PTPRJ: variants seen among roughly 807,000 people sequenced by gnomAD.
PTPRJ encodes the protein protein tyrosine phosphatase receptor type J.
A neutral mutation model predicts 141.3 loss-of-function variants in PTPRJ; 129 were observed. The observed-to-expected ratio is 0.91, with a 90% CI of 0.79 to 1.06. The LOEUF is 1.06. PTPRJ is among the 50% of genes least tolerant of loss of function. The pLI, the probability that PTPRJ is intolerant of heterozygous loss-of-function variation, is 0.00. For missense variants in PTPRJ, 1,601 were observed against 1,679.7 expected (o/e 0.95, Z 0.82); for synonymous variants, 610 against 640.5 (o/e 0.95, Z 0.72).
chr11:48,109,480 C>A (rs752420842), intron 1 of PTPRJ, among the ~76,000 whole-genome samples: 1 of 152,150 alleles, frequency 6.6e-6, no homozygotes, highest in Non-Finnish European at 1.5e-5. Context: ...ATTAATTCTT[C>A]CCAAAGCTGC....
chr11:48,158,122 A>G lies in PTPRJ; in HGVS notation c.3439-1808A>G, dbSNP rs1297757886. Among the ~76,000 whole-genome samples, 3 of 152,250 alleles carry G rather than the reference A, an allele frequency of 2.0e-5. No individual in the cohort carries two copies. The highest frequency in any genetic ancestry group is 2.9e-5 in the Non-Finnish European group (2 of 68,038). ...AGCCAAGATTGCACCACTGCACTCC[A>G]GCCTAGGCAACAGAGCAAGACTCTG... On this transcript the variant is annotated intron_variant, in intron 21 of 24. Coordinates refer to ENST00000418331, the MANE Select transcript of PTPRJ (RefSeq NM_002843.4). This position sits in a 1 kb window ranked among gnomAD's most constrained non-coding sequence, Gnocchi z 4.4.
In PTPRJ at chr11:48,023,864, G is replaced by A. The variant is rs2134215404; in HGVS notation, c.96+42856G>A. 1.3e-5 allele frequency among the ~76,000 whole-genome samples: 2 copies of A among 151,970 alleles called. 1 individual carries two copies. The highest frequency in any genetic ancestry group is 4.1e-4 in the South Asian group (2 of 4,820). ...ATCTCTTATCATTTCTTCAATTCCAGTTTTTATTAGATCCACAACTTTTTT... is the reference window on the plus strand; with the variant it reads ...ATCTCTTATCATTTCTTCAATTCCAATTTTTATTAGATCCACAACTTTTTT... On this transcript the variant is annotated intron_variant, in intron 1 of 24. Transcript: ENST00000418331.
chr11:48,080,342 C>G (rs142522163), intron 1 of PTPRJ, among the ~76,000 whole-genome samples: 1 of 152,330 alleles, frequency 6.6e-6, no homozygotes. Flanking sequence ...TTAATCTTCA[C>G]TACAACTATG....
Position 48,128,010 on chromosome 11 carries a change from G to C in PTPRJ, c.1324G>C (p.Glu442Gln), listed in dbSNP as rs772635514. 6.2e-7 allele frequency: 1 copy of C among 1,613,520 alleles called. No homozygotes were observed. The highest frequency in any genetic ancestry group is 8.5e-7 in the Non-Finnish European group (1 of 1,179,632). ...ITVCPVLGDI[E>Q]GTPGFLQVHT... is the part of the protein sequence containing the mutation. ...AGTGTGTCCTGTCCTAGGTGACATC[G>C]AGGGCACGCCGGGCTTCCTCCAAGT... The change falls in exon 7 of 25, where the codon GAG becomes CAG. Residue 442 changes from glutamate (E) to glutamine (Q), a missense_variant. Physicochemically the swap from Glu to Gln is conservative, Grantham distance 29. Transcript: ENST00000418331.
At chr11:47,986,704 C>T (rs1316124757) in intron 1 of PTPRJ, among the ~76,000 whole-genome samples, 7 of 152,052 alleles carry the variant, frequency 4.6e-5, no homozygotes, top group South Asian at 2.1e-4. Flanking sequence ...TTAGTTGAGA[C>T]GGGGTTTCAC....
chr11:48,084,913 C>T (rs961655595), intron 1 of PTPRJ, among the ~76,000 whole-genome samples: 4 of 152,102 alleles, frequency 2.6e-5, no homozygotes, highest in African/African-American at 4.8e-5. Flanking sequence ...AAAAGAACAA[C>T]AGCAAAAAAC....
chr11:48,145,209 C>G, intron 14 of PTPRJ, 85 bp downstream of exon 14: 1 of 1,567,844 alleles, frequency 6.4e-7, no homozygotes, highest in East Asian at 2.3e-5. Flanking sequence ...TACATGCCTC[C>G]CTCAGACCTT....
At chr11:48,163,396 G>C in intron 22 of PTPRJ, 62 bp from the exon 23 acceptor site, 1 of 1,517,992 alleles carries the variant, frequency 6.6e-7, no homozygotes, top group Non-Finnish European at 9.1e-7. Context: ...GATTTCCCCT[G>C]CCTTTTTGAT....
chr11:48,146,090 T>C (rs535981244), intron 14 of PTPRJ, among the ~76,000 whole-genome samples: 1 of 152,170 alleles, frequency 6.6e-6, no homozygotes, highest in Non-Finnish European at 1.5e-5. Context: ...TCCTTCCACC[T>C]TCTTCCAAAG....
chr11:48,088,546 G>T (rs1204467389), intron 1 of PTPRJ, among the ~76,000 whole-genome samples: 1 of 152,156 alleles, frequency 6.6e-6, no homozygotes, highest in South Asian at 2.1e-4. Flanking sequence ...CCACAGGATT[G>T]TCCTTGAGAC....
At chr11:48,150,331 A>G (rs779457649) in intron 18 of PTPRJ, 148 bp downstream of exon 18, 2 of 642,972 alleles carry the variant, frequency 3.1e-6, no homozygotes, top group Non-Finnish European at 5.4e-6. Flanking sequence ...TCTCTCCTAC[A>G]GAGTCAGCAG....
At chr11:48,073,323 T>G (rs1359614372) in intron 1 of PTPRJ, among the ~76,000 whole-genome samples, 1 of 152,226 alleles carries the variant, frequency 6.6e-6, no homozygotes, top group Non-Finnish European at 1.5e-5. Context: ...TCTCCTGAGA[T>G]CCCCGGAGGT....
At chr11:48,078,780 CAG>C (rs1324528319) in intron 1 of PTPRJ, among the ~76,000 whole-genome samples, 1 of 144,874 alleles carries the variant, frequency 6.9e-6, no homozygotes, top group African/African-American at 2.5e-5. Context: ...ATTCAAATGT[CAG>C]TGTCTGTAAA....
intron 1 of PTPRJ, among the ~76,000 whole-genome samples, chr11:48,001,044 C>T (rs1348591957): frequency 1.4e-5 from 2 of 143,640 alleles, no homozygotes; most frequent in African/African-American, 5.2e-5. Flanking sequence ...CGCCCAGGCT[C>T]GAGTACAGTG....
chr11:48,147,921 A>G (rs1447963277), intron 15 of PTPRJ, among the ~76,000 whole-genome samples: 1 of 151,444 alleles, frequency 6.6e-6, no homozygotes, highest in Non-Finnish European at 1.5e-5. Context: ...ATCTCAGCTC[A>G]CTGCAACCTC....
intron 18 of PTPRJ, among the ~76,000 whole-genome samples, chr11:48,150,595 A>G (rs1284129832): frequency 6.6e-6 from 1 of 152,204 alleles, no homozygotes; most frequent in Non-Finnish European, 1.5e-5. Flanking sequence ...ACTGTTAGCC[A>G]CAATACTTAG....
intron 1 of PTPRJ, among the ~76,000 whole-genome samples, chr11:48,073,027 T>C (rs949186270): frequency 6.6e-6 from 1 of 152,226 alleles, no homozygotes; most frequent in Non-Finnish European, 1.5e-5. Context: ...TTAAGTGATA[T>C]ATGTGTTCAT....
In PTPRJ at chr11:48,136,133, C is replaced by G; in HGVS notation, c.1710C>G (p.Val570=). ...WKSPDGASEY[V]YHLVIESKHG... is the part of the protein sequence containing the mutation. Reference sequence around the variant, plus strand: ...GCCCTGACGGTGCTTCCGAGTATGTCTACCATTTAGTCATAGAGTCCAAGC... The same window carrying G: ...GCCCTGACGGTGCTTCCGAGTATGTGTACCATTTAGTCATAGAGTCCAAGC... Residue 570 remains valine, a synonymous_variant, in exon 9 of 25, where the codon GTC becomes GTG. Coordinates refer to ENST00000418331, the MANE Select transcript of PTPRJ (RefSeq NM_002843.4). The G allele has an allele frequency of 6.2e-7, 1 of 1,614,194 alleles. No homozygotes were observed. The highest frequency in any genetic ancestry group is 8.5e-7 in the Non-Finnish European group (1 of 1,180,036).
chr11:47,983,013 A>C (rs746529243), intron 1 of PTPRJ, among the ~76,000 whole-genome samples: 9 of 152,196 alleles, frequency 5.9e-5, no homozygotes, highest in Middle Eastern at 3.4e-3. Context: ...GAATCAGTGC[A>C]TTTTTGAGCT....
Sources: allele counts gnomAD v4.1 joint callset (sites outside exome capture counted in the v4.1 genomes callset), GRCh38; gene constraint gnomAD v4.1.1; non-coding constraint Gnocchi (gnomAD v3.1); transcripts MANE v1.5; gene names NCBI Gene and HGNC (gene_info 2026-07-23, HGNC 2026-07-21).